Variants in LRRC4C observed in about 807,000 individuals in gnomAD.
LRRC4C encodes leucine-rich repeat-containing protein 4C.
In LRRC4C, 5 loss-of-function variants were observed where a neutral mutation model predicts 33.6. The ratio of observed to expected loss-of-function variants is 0.15; its 90% CI spans 0.08 to 0.31. LRRC4C has a LOEUF of 0.31. LRRC4C is among the 10% of genes least tolerant of loss of function. LRRC4C has a pLI of 1.00. For missense variants in LRRC4C, 560 were observed against 796.7 expected (o/e 0.70, Z 3.58); for synonymous variants, 329 against 302.0 (o/e 1.09, Z -0.93).
chr11:40,573,245 T>C (rs1044239763), intron 3 of LRRC4C, among the ~76,000 whole-genome samples: 1 of 152,190 alleles, frequency 6.6e-6, no homozygotes, highest in Non-Finnish European at 1.5e-5. Flanking sequence ...ATGTTCTATA[T>C]ACCTACAAAC....
chr11:41,245,612 C>G (rs1014161950), intron 1 of LRRC4C, among the ~76,000 whole-genome samples: 1 of 152,326 alleles, frequency 6.6e-6, no homozygotes, highest in South Asian at 2.1e-4. Context: ...TCAGGGAGCT[C>G]CTAGGTCTGG....
chr11:40,147,385 T>G (rs1045941744), intron 5 of LRRC4C, among the ~76,000 whole-genome samples: 2 of 152,170 alleles, frequency 1.3e-5, no homozygotes, highest in African/African-American at 4.8e-5. Flanking sequence ...AATCTAGTTC[T>G]TTTTATTATA....
chr11:40,675,963 G>A (rs992543725), intron 2 of LRRC4C, among the ~76,000 whole-genome samples: 2 of 152,128 alleles, frequency 1.3e-5, no homozygotes, highest in African/African-American at 4.8e-5. Context: ...GGTCTTAGGT[G>A]TTGCTAAGAT....
At chr11:41,323,170 A>G (rs914082346) in intron 1 of LRRC4C, among the ~76,000 whole-genome samples, 1 of 152,120 alleles carries the variant, frequency 6.6e-6, no homozygotes, top group East Asian at 1.9e-4. Context: ...CTATCATTAT[A>G]TTTCTTTTAA....
intron 1 of LRRC4C, among the ~76,000 whole-genome samples, chr11:41,312,631 T>C (rs1440353030): frequency 2.0e-4 from 30 of 152,204 alleles, no homozygotes; most frequent in Admixed American, 2.0e-3. Flanking sequence ...TTTTCTGTGT[T>C]GTACTACAGT....
At chr11:41,031,506 G>A (rs1327441128) in intron 1 of LRRC4C, among the ~76,000 whole-genome samples, 1 of 151,996 alleles carries the variant, frequency 6.6e-6, no homozygotes, top group Non-Finnish European at 1.5e-5. Flanking sequence ...AAGTGGCTCA[G>A]GGTGTATATT....
chr11:40,258,862 C>G (rs56654476), intron 4 of LRRC4C, among the ~76,000 whole-genome samples: 1 of 152,258 alleles, frequency 6.6e-6, no homozygotes, highest in African/African-American at 2.4e-5. Context: ...ACCAACGGAT[C>G]TAGAAACCAA....
chr11:40,652,984 G>A (rs1190780378), intron 2 of LRRC4C, among the ~76,000 whole-genome samples: 2 of 152,126 alleles, frequency 1.3e-5, no homozygotes, highest in Admixed American at 1.3e-4. Context: ...GGTTTTATAA[G>A]CATCTCATTC....
chr11:40,329,737 CTTTTTTTTTTTT>C (rs199598860), intron 3 of LRRC4C, among the ~76,000 whole-genome samples: 5 of 120,414 alleles, frequency 4.2e-5, no homozygotes, highest in African/African-American at 1.6e-4. Context: ...CTTTCTTTTT[CTTTTTTTTTTTT>C]TTTTTTTTTT....
At chr11:41,248,697 C>T (rs1476778367) in intron 1 of LRRC4C, among the ~76,000 whole-genome samples, 3 of 148,520 alleles carry the variant, frequency 2.0e-5, no homozygotes, top group African/African-American at 7.4e-5. Context: ...CATTCATATG[C>T]TGATGACCAA....
intron 1 of LRRC4C, among the ~76,000 whole-genome samples, chr11:41,079,798 C>T (rs1008971274): frequency 6.6e-6 from 1 of 152,202 alleles, no homozygotes; most frequent in East Asian, 1.9e-4. Flanking sequence ...TTTTAAAGCT[C>T]ATCAGCTATC....
intron 1 of LRRC4C, among the ~76,000 whole-genome samples, chr11:41,140,244 C>T (rs1943444077): frequency 6.6e-6 from 1 of 152,056 alleles, no homozygotes; most frequent in Non-Finnish European, 1.5e-5. Flanking sequence ...TTAAGAAATC[C>T]CCCAACTCCC....
intron 1 of LRRC4C, among the ~76,000 whole-genome samples, chr11:41,056,465 G>A (rs1858628305): frequency 1.3e-5 from 2 of 152,068 alleles, no homozygotes; most frequent in South Asian, 2.1e-4. Context: ...ATTATCAACA[G>A]ATTAAACAGA....
At chr11:40,910,126 T>C (rs1956602730) in intron 2 of LRRC4C, among the ~76,000 whole-genome samples, 1 of 152,138 alleles carries the variant, frequency 6.6e-6, no homozygotes, top group African/African-American at 2.4e-5. Flanking sequence ...ATTAATGCAA[T>C]TCTACTAAGG....
intron 1 of LRRC4C, among the ~76,000 whole-genome samples, chr11:41,318,076 C>T (rs1950847764): frequency 6.6e-6 from 1 of 152,030 alleles, no homozygotes; most frequent in African/African-American, 2.4e-5. Context: ...TATTGAACAA[C>T]ATAAAGAGAG....
At chr11:40,145,541 G>A (rs1357072207) in intron 5 of LRRC4C, among the ~76,000 whole-genome samples, 2 of 152,140 alleles carry the variant, frequency 1.3e-5, no homozygotes, top group Non-Finnish European at 2.9e-5. Context: ...CAGTTACAGA[G>A]TTATAAAGGG....
At chr11:40,323,857 G>T (rs188551217) in intron 3 of LRRC4C, among the ~76,000 whole-genome samples, 36 of 152,272 alleles carry the variant, frequency 2.4e-4, no homozygotes, top group Admixed American at 2.0e-3. Flanking sequence ...TATGAATTAG[G>T]TGGTATCAGA....
At chr11:41,184,259 T>C (rs1290277068) in intron 1 of LRRC4C, among the ~76,000 whole-genome samples, 1 of 152,092 alleles carries the variant, frequency 6.6e-6, no homozygotes, top group Non-Finnish European at 1.5e-5. Flanking sequence ...AAATGCGTTT[T>C]TTTTTTTCCT....
At chr11:40,781,861 G>A (rs950116774) in intron 2 of LRRC4C, among the ~76,000 whole-genome samples, 7 of 152,150 alleles carry the variant, frequency 4.6e-5, no homozygotes, top group African/African-American at 7.2e-5. Context: ...GCTTGGTAAC[G>A]TAGAGATTTG....
Sources: gnomAD v4.1 joint callset for allele counts (sites outside exome capture counted in the v4.1 genomes callset) on GRCh38, gnomAD v4.1.1 for gene constraint, MANE v1.5 for transcripts, NCBI Gene and HGNC (gene_info 2026-07-23, HGNC 2026-07-21) for gene names.